PCDHGA6: variants seen among roughly 807,000 people sequenced by gnomAD.
PCDHGA6 encodes protocadherin gamma subfamily A, 6.
In PCDHGA6, 41 loss-of-function variants were observed where a neutral mutation model predicts 60.6. That is an observed-to-expected ratio of 0.68 (90% CI 0.53 to 0.88). PCDHGA6 has a LOEUF of 0.88. Ranked by LOEUF, PCDHGA6 falls within the 40% of genes least tolerant of loss-of-function variation. The pLI is 0.00. For synonymous variants in PCDHGA6, 594 were observed against 524.4 expected, an observed-to-expected ratio of 1.13 and a Z score of -1.81; for missense variants, 1,312 against 1,203.0, an observed-to-expected ratio of 1.09 and a Z score of -1.34.
At chr5:141,449,349 G>A (rs191322076) in intron 1 of PCDHGA6, among the ~76,000 whole-genome samples, 2 of 151,956 alleles carry the variant, frequency 1.3e-5, no homozygotes, top group African/African-American at 4.8e-5. Flanking sequence ...GCTCACTCCT[G>A]TAATCCCAGC....
At chr5:141,421,146 C>T in intron 1 of PCDHGA6, 1 of 1,015,090 alleles carries the variant, frequency 9.9e-7, no homozygotes, top group Non-Finnish European at 1.4e-6. Flanking sequence ...TGGATGTAGT[C>T]GGCCTAGGAC....
intron 1 of PCDHGA6, chr5:141,428,236 G>A (rs1474911413): frequency 9.7e-7 from 1 of 1,026,978 alleles, no homozygotes; most frequent in Admixed American, 1.9e-5. Context: ...CAGCCTGCAG[G>A]AGGCACTGCC....
chr5:141,486,345 A>C lies in PCDHGA6; in HGVS notation c.2425-8462A>C. On this transcript the variant is annotated intron_variant, in intron 1 of 3. Coordinates refer to ENST00000517434, the MANE Select transcript of PCDHGA6 (RefSeq NM_018919.3). This position sits in a 1 kb window ranked among gnomAD's most constrained non-coding sequence, Gnocchi z 5.0. Reference sequence around the variant, plus strand: ...GGAGATGTGAGCCTCCGCATTCCTGACCACTTGCCATTTGCCCTCAAGTCT... The same window carrying C: ...GGAGATGTGAGCCTCCGCATTCCTGCCCACTTGCCATTTGCCCTCAAGTCT... The C allele has an allele frequency of 6.2e-7, 1 of 1,613,940 alleles. No homozygotes were observed. The highest frequency in any genetic ancestry group is 8.5e-7 in the Non-Finnish European group (1 of 1,179,986).
intron 1 of PCDHGA6, chr5:141,383,413 C>T (rs1160072155): frequency 6.2e-7 from 1 of 1,614,020 alleles, no homozygotes. Context: ...GAGTTACCAG[C>T]TCAGCCCCAA....
chr5:141,489,222 A>C lies in PCDHGA6; in HGVS notation c.2425-5585A>C. On this transcript the variant is annotated intron_variant, in intron 1 of 3. Coordinates refer to ENST00000517434, the MANE Select transcript of PCDHGA6 (RefSeq NM_018919.3). The surrounding 1 kb of genome is among the most constrained non-coding windows in gnomAD (Gnocchi z 4.5). ...ACAGGACAGCACAGACTTACTCTCC[A>C]CAAAGGGACTTCTGGGTCATGGGGC... 6.6e-7 allele frequency: 1 copy of C among 1,515,652 alleles called. No individual in the cohort carries two copies. Among genetic ancestry groups the C allele is most frequent in the Middle Eastern group, 1.8e-4 (1 of 5,598 alleles). 93.9% of individuals were successfully genotyped at this position (1,515,652 alleles called of 1,614,324 possible).
chr5:141,421,642 G>A, intron 1 of PCDHGA6: 1 of 1,613,850 alleles, frequency 6.2e-7, no homozygotes, highest in South Asian at 1.1e-5. Flanking sequence ...GGAGGACGAA[G>A]TGGAGATAAA....
chr5:141,502,577 A>G (rs1260539435), intron 2 of PCDHGA6, among the ~76,000 whole-genome samples: 2 of 152,192 alleles, frequency 1.3e-5, no homozygotes, highest in African/African-American at 4.8e-5. Context: ...TTATAAAAAT[A>G]TATTTTTATA....
At chr5:141,447,650 T>TC (rs1036312126) in intron 1 of PCDHGA6, among the ~76,000 whole-genome samples, 5 of 151,988 alleles carry the variant, frequency 3.3e-5, no homozygotes, top group Non-Finnish European at 5.9e-5. Context: ...GGTAGAATTT[T>TC]CCCCCCCAGG....
intron 1 of PCDHGA6, chr5:141,403,131 C>T: frequency 5.6e-6 from 9 of 1,614,034 alleles, no homozygotes; most frequent in Non-Finnish European, 6.8e-6. Context: ...CGGGAGCTGG[C>T]GGAGCGCCGA....
At chr5:141,445,086 A>T (rs190267063) in intron 1 of PCDHGA6, among the ~76,000 whole-genome samples, 163 of 152,322 alleles carry the variant, frequency 1.1e-3, no homozygotes, top group African/African-American at 3.6e-3. Flanking sequence ...TTGTCCCTAC[A>T]TATTTGATGT....
Position 141,486,046 on chromosome 5 carries a change from C to G in PCDHGA6, c.2425-8761C>G. 1.2e-6 allele frequency: 2 copies of G among 1,614,170 alleles called. No individual in the cohort carries two copies. Among genetic ancestry groups the G allele is most frequent in the Non-Finnish European group, 1.7e-6 (2 of 1,180,036 alleles). The stretch of plus-strand genomic sequence containing the variant: ...GTCATACCCCTGATCGTGTAAGAAA[C>G]CTCTTTAGCCTGCACCCCACTACTG... On this transcript the variant is annotated intron_variant, in intron 1 of 3. Coordinates refer to ENST00000517434, the MANE Select transcript of PCDHGA6 (RefSeq NM_018919.3). This position sits in a 1 kb window ranked among gnomAD's most constrained non-coding sequence, Gnocchi z 5.0.
At chr5:141,464,470 C>T (rs1175806879) in intron 1 of PCDHGA6, among the ~76,000 whole-genome samples, 3 of 151,194 alleles carry the variant, frequency 2.0e-5, no homozygotes, top group Non-Finnish European at 2.9e-5. Flanking sequence ...GAAGTATGTA[C>T]GTATAATAAA....
intron 1 of PCDHGA6, chr5:141,415,542 T>C (rs770960227): frequency 1.2e-5 from 19 of 1,614,056 alleles, no homozygotes; most frequent in Non-Finnish European, 9.3e-6. Context: ...AGGAGAGCTG[T>C]GAGAAAAACG....
rs1464357405 is a variant in PCDHGA6 at position 141,476,385 on chromosome 5, A to G, written c.2425-18422A>G. On this transcript the variant is annotated intron_variant, in intron 1 of 3. Coordinates refer to ENST00000517434, the MANE Select transcript of PCDHGA6 (RefSeq NM_018919.3). The surrounding 1 kb of genome is among the most constrained non-coding windows in gnomAD (Gnocchi z 7.6). ...GAGACCGGAGAGATGTTTGTGAACG[A>G]CCGTCTGGATCGAGAGGAGCTGTGT... The G allele has an allele frequency of 4.3e-6, 7 of 1,614,062 alleles. No homozygotes were observed. The highest frequency in any genetic ancestry group is 5.9e-6 in the Non-Finnish European group (7 of 1,180,020).
intron 1 of PCDHGA6, chr5:141,389,309 T>A (rs763262842): frequency 1.4e-5 from 23 of 1,613,900 alleles, no homozygotes; most frequent in Non-Finnish European, 1.9e-5. Flanking sequence ...TCAGGGCTTC[T>A]GATCCGGACT....
chr5:141,400,559 C>T (rs2150864766), intron 1 of PCDHGA6: 2 of 1,613,274 alleles, frequency 1.2e-6, no homozygotes, highest in Non-Finnish European at 1.7e-6. Flanking sequence ...TTTTCATTAC[C>T]CACCCAATTT....
chr5:141,413,721 C>T (rs779673406), intron 1 of PCDHGA6: 1 of 1,613,592 alleles, frequency 6.2e-7, no homozygotes, highest in South Asian at 1.1e-5. Context: ...ATAAGCACTT[C>T]TCCCTAAGAG....
At chr5:141,409,125 A>AT in intron 1 of PCDHGA6, 1 of 1,613,982 alleles carries the variant, frequency 6.2e-7, no homozygotes, top group African/African-American at 1.3e-5. Flanking sequence ...CAGTCATTTG[A>AT]TTTTGAAGAT....
chr5:141,416,478 C>T (rs1186938693), intron 1 of PCDHGA6: 4 of 151,994 alleles, frequency 2.6e-5, no homozygotes, highest in Non-Finnish European at 4.4e-5. Context: ...TACATGTTCC[C>T]GAGAACAGGA....
Sources: gnomAD v4.1 joint callset for allele counts (sites outside exome capture counted in the v4.1 genomes callset) on GRCh38, gnomAD v4.1.1 for gene constraint, Gnocchi (gnomAD v3.1) non-coding constraint, MANE v1.5 for transcripts, NCBI Gene and HGNC (gene_info 2026-07-23, HGNC 2026-07-21) for gene names.